Variants in ZNF566 observed in about 807,000 individuals in gnomAD.
ZNF566 encodes zinc finger protein 566.
A neutral mutation model predicts 32.8 loss-of-function variants in ZNF566; 27 were observed. The ratio of observed to expected loss-of-function variants is 0.82; its 90% CI spans 0.61 to 1.14. The LOEUF (loss-of-function observed/expected upper bound fraction) is 1.14, where lower values mean the gene tolerates loss of function less well. ZNF566 is among the 50% of genes most tolerant of loss of function. The pLI is 0.00. For missense variants in ZNF566, 402 were observed against 490.4 expected, an observed-to-expected ratio of 0.82 and a Z score of 1.70; for synonymous variants, 154 against 159.5, an observed-to-expected ratio of 0.97 and a Z score of 0.26.
intron 4 of ZNF566, among the ~76,000 whole-genome samples, chr19:36,458,571 T>C (rs560723427): frequency 6.6e-6 from 1 of 152,268 alleles, no homozygotes; most frequent in East Asian, 1.9e-4. Context: ...TCTGGAGATC[T>C]AATATACAGC....
intron 4 of ZNF566, among the ~76,000 whole-genome samples, chr19:36,459,319 T>C (rs1421303840): frequency 6.6e-6 from 1 of 151,116 alleles, no homozygotes; most frequent in Non-Finnish European, 1.5e-5. Flanking sequence ...TTGTTTTGTT[T>C]TGTGTTTGCC....
chr19:36,478,757 A>C (rs755072809), intron 1 of ZNF566, among the ~76,000 whole-genome samples: 3 of 152,182 alleles, frequency 2.0e-5, no homozygotes, highest in Non-Finnish European at 4.4e-5. Flanking sequence ...GGGTATGCCT[A>C]GAATGCAAGA....
At chr19:36,479,708 C>T (rs1198213541) in intron 1 of ZNF566, among the ~76,000 whole-genome samples, 1 of 152,200 alleles carries the variant, frequency 6.6e-6, no homozygotes, top group Non-Finnish European at 1.5e-5. Flanking sequence ...GATCAAAGCT[C>T]GCTGTAGCCT....
intron 4 of ZNF566, among the ~76,000 whole-genome samples, chr19:36,462,841 A>G (rs537202620): frequency 1.3e-5 from 2 of 151,188 alleles, no homozygotes; most frequent in East Asian, 3.9e-4. Flanking sequence ...CCTGTAATCC[A>G]AGCTACTCGA....
intron 4 of ZNF566, among the ~76,000 whole-genome samples, chr19:36,458,501 C>A (rs754728547): frequency 1.3e-5 from 2 of 151,790 alleles, no homozygotes; most frequent in African/African-American, 4.8e-5. Context: ...GGTTGGGGGA[C>A]GGAGGAAAGA....
intron 2 of ZNF566, among the ~76,000 whole-genome samples, chr19:36,474,651 G>A (rs2033842030): frequency 6.6e-6 from 1 of 152,136 alleles, no homozygotes; most frequent in Non-Finnish European, 1.5e-5. Context: ...CTTGGAGTGG[G>A]TCTGGTAACG....
rs559624252 is a variant in ZNF566, at chr19:36,446,526, G to C, written c.*2451C>G. On this transcript the variant is annotated 3_prime_UTR_variant, in exon 5 of 5. Transcript: ENST00000452939. ...CTCCCAAAGCACTGGGATTACAGGC[G>C]TAAGCCACTGTGCCCAGCCCCTTTT... 3 of 152,230 alleles carry C rather than the reference G, an allele frequency of 2.0e-5. No individual in the cohort carries two copies. The highest frequency in any genetic ancestry group is 1.3e-4 in the Admixed American group (2 of 15,288). 9.4% of individuals were successfully genotyped at this position (152,230 alleles called of 1,614,324 possible).
At chr19:36,473,664 T>C (rs2033819100) in intron 2 of ZNF566, among the ~76,000 whole-genome samples, 1 of 152,194 alleles carries the variant, frequency 6.6e-6, no homozygotes, top group Non-Finnish European at 1.5e-5. Context: ...TGAAACTGCC[T>C]GAGTATGCTA....
chr19:36,467,682 T>A (rs2033652654), intron 4 of ZNF566, among the ~76,000 whole-genome samples: 1 of 146,186 alleles, frequency 6.8e-6, no homozygotes. Flanking sequence ...TTCCAGGTAC[T>A]TGGGAGGCTG....
intron 4 of ZNF566, among the ~76,000 whole-genome samples, chr19:36,453,836 T>C (rs1409883021): frequency 6.6e-6 from 1 of 151,694 alleles, no homozygotes; most frequent in Non-Finnish European, 1.5e-5. Flanking sequence ...TGGTTAATCT[T>C]TTTTTGAGAC....
intron 1 of ZNF566, chr19:36,489,263 A>G (rs1189759929): frequency 5.2e-6 from 1 of 192,624 alleles, no homozygotes; most frequent in East Asian, 1.6e-4. Context: ...GCTCCCTCTC[A>G]CACACACACC....
Position 36,449,954 on chromosome 19 carries a change from T to C in ZNF566, c.280A>G (p.Ile94Val). 1 of 1,611,366 alleles carries C rather than the reference T, an allele frequency of 6.2e-7. No homozygotes were observed. The highest frequency in any genetic ancestry group is 1.3e-5 in the African/African-American group (1 of 74,816). The change falls in exon 5 of 5, where the codon ATT becomes GTT. Residue 94 changes from isoleucine to valine, a missense_variant. Ile to Val is a conservative substitution (Grantham distance 29). This residue lies in a region of ZNF566 where 220 missense variants were observed against 241.9 expected (regional missense o/e 0.91). Coordinates refer to ENST00000452939, the MANE Select transcript of ZNF566 (RefSeq NM_001145344.1). ...CACTGGGTTGATTCTATTTCATAAA[T>C]TTCTTTCTTCAGAAATAATTTCTTG... ...ETKKLFLKKE[I>V]YEIESTQWEI...
Position 36,446,495 on chromosome 19 carries a change from C to T in ZNF566, c.*2482G>A, listed in dbSNP as rs2032998233. The T allele has an allele frequency of 6.6e-6, 1 of 152,274 alleles. No homozygotes were observed. Among genetic ancestry groups the T allele is most frequent in the Non-Finnish European group, 1.5e-5 (1 of 68,100 alleles). 9.4% of individuals were successfully genotyped at this position (152,274 alleles called of 1,614,324 possible). On this transcript the variant is annotated 3_prime_UTR_variant, in exon 5 of 5. Coordinates refer to ENST00000452939, the MANE Select transcript of ZNF566 (RefSeq NM_001145344.1). ...CTATATTGGCCAGGCTGCCCCCTGC[C>T]TTGGCCTCCCAAAGCACTGGGATTA...
Position 36,448,968 on chromosome 19 carries a change from T to C in ZNF566, c.*9A>G, listed in dbSNP as rs1249660892. 6.4e-7 allele frequency: 1 copy of C among 1,557,446 alleles called. No homozygotes were observed. Among genetic ancestry groups the C allele is most frequent in the Non-Finnish European group, 8.6e-7 (1 of 1,156,704 alleles). On this transcript the variant is annotated 3_prime_UTR_variant, in exon 5 of 5. Transcript: ENST00000452939. ...AAGCCTCCCTACACATTTCATATATTCTGTTTCATCACCAGTACAAATTTT... is the reference window on the plus strand; with the variant it reads ...AAGCCTCCCTACACATTTCATATATCCTGTTTCATCACCAGTACAAATTTT...
At chr19:36,476,712 T>C (rs2033895374) in intron 1 of ZNF566, 96 bp from the exon 2 acceptor site, 13 of 1,012,930 alleles carry the variant, frequency 1.3e-5, no homozygotes, top group Non-Finnish European at 1.7e-5. Flanking sequence ...TCAGAAATGC[T>C]TGTGGGGTAT....
Position 36,449,517 on chromosome 19 carries a change from G to A in ZNF566, c.717C>T (p.Gly239=). The A allele has an allele frequency of 6.2e-7, 1 of 1,614,092 alleles. No individual in the cohort carries two copies. Among genetic ancestry groups the A allele is most frequent in the Non-Finnish European group, 8.5e-7 (1 of 1,180,008 alleles). Residue 239 remains glycine (G), a synonymous_variant, in exon 5 of 5, where the codon GGC becomes GGT. Coordinates refer to ENST00000452939, the MANE Select transcript of ZNF566 (RefSeq NM_001145344.1). ...TTCTGTGATGTCGAGTAAGGTCTGAGCCACAAATAAAGGTTTTTCCACATT... is the reference window on the plus strand; with the variant it reads ...TTCTGTGATGTCGAGTAAGGTCTGAACCACAAATAAAGGTTTTTCCACATT... ...CKECGKTFIC[G]SDLTRHHRIH... is the part of the protein sequence containing the mutation.
intron 2 of ZNF566, among the ~76,000 whole-genome samples, chr19:36,474,670 C>T (rs1476091620): frequency 6.6e-6 from 1 of 152,014 alleles, no homozygotes; most frequent in African/African-American, 2.4e-5. Flanking sequence ...CGGGACAAAA[C>T]CAGAATTGAA....
intron 1 of ZNF566, among the ~76,000 whole-genome samples, chr19:36,480,221 G>C (rs1235938237): frequency 6.6e-6 from 1 of 151,468 alleles, no homozygotes; most frequent in Non-Finnish European, 1.5e-5. Flanking sequence ...TCCAGAAAGA[G>C]AGCCACATAA....
chr19:36,479,240 C>T (rs1225714226), intron 1 of ZNF566, among the ~76,000 whole-genome samples: 2 of 151,928 alleles, frequency 1.3e-5, no homozygotes, highest in Non-Finnish European at 2.9e-5. Context: ...AGGGCTTGGC[C>T]AGTATAATAG....
Sources: allele counts gnomAD v4.1 joint callset (sites outside exome capture counted in the v4.1 genomes callset), GRCh38; gene constraint gnomAD v4.1.1; regional missense constraint gnomAD v4.1.1; transcripts MANE v1.5; gene names NCBI Gene and HGNC (gene_info 2026-07-23, HGNC 2026-07-21).